LHFPL2: variants seen among roughly 807,000 people sequenced by gnomAD.
The protein encoded by LHFPL2 is LHFPL tetraspan subfamily member 2.
Under a neutral mutation model 17.5 loss-of-function variants are expected in LHFPL2, and 7 were observed. The observed-to-expected ratio is 0.40, with a 90% CI of 0.23 to 0.75. LHFPL2 has a LOEUF of 0.75. Among genes scored for constraint, LHFPL2 ranks in the 30% least tolerant of loss-of-function variants. The pLI is 0.37. For synonymous variants in LHFPL2, 134 were observed against 116.2 expected (o/e 1.15, Z -0.99); for missense variants, 241 against 294.8 (o/e 0.82, Z 1.34).
intron 3 of LHFPL2, among the ~76,000 whole-genome samples, chr5:78,538,025 T>G (rs1017214341): frequency 1.3e-5 from 2 of 152,230 alleles, no homozygotes; most frequent in Admixed American, 1.3e-4. Flanking sequence ...CACAGTACTT[T>G]CCCCCACTCA....
At chr5:78,535,285 A>T (rs1270018186) in intron 3 of LHFPL2, among the ~76,000 whole-genome samples, 1 of 151,880 alleles carries the variant, frequency 6.6e-6, no homozygotes, top group Non-Finnish European at 1.5e-5. Context: ...CCTTCCACCC[A>T]CCTCCTCCCT....
intron 1 of LHFPL2, among the ~76,000 whole-genome samples, chr5:78,647,423 G>C (rs994966841): frequency 6.6e-6 from 1 of 152,192 alleles, no homozygotes; most frequent in African/African-American, 2.4e-5. Flanking sequence ...TTCAAGCTCA[G>C]TTACTCCGGT....
chr5:78,526,470 C>T (rs1334265626), intron 3 of LHFPL2, among the ~76,000 whole-genome samples: 1 of 152,224 alleles, frequency 6.6e-6, no homozygotes, highest in African/African-American at 2.4e-5. Context: ...TACTGAAATA[C>T]TGTCTTTGCG....
At chr5:78,561,273 A>C (rs1414460766) in intron 3 of LHFPL2, among the ~76,000 whole-genome samples, 1 of 152,250 alleles carries the variant, frequency 6.6e-6, no homozygotes, top group Non-Finnish European at 1.5e-5. Flanking sequence ...CTAAATTTTA[A>C]AGTAAGTAGA....
intron 3 of LHFPL2, among the ~76,000 whole-genome samples, chr5:78,512,647 A>G (rs1755167625): frequency 6.6e-6 from 1 of 152,024 alleles, no homozygotes; most frequent in East Asian, 1.9e-4. Context: ...TTGGGCCCAC[A>G]GGTGGCAAGC....
rs764004655 is a variant in LHFPL2 at position 78,510,229 on chromosome 5, G to A, written c.-16C>T. ...CATGACACATATTGATGTTCCGGGCGAAGAAAGAGTCAGGAGTCCACGGAG... is the reference window on the plus strand; with the variant it reads ...CATGACACATATTGATGTTCCGGGCAAAGAAAGAGTCAGGAGTCCACGGAG... On this transcript the variant is annotated 5_prime_UTR_variant, in exon 4 of 5. Coordinates refer to ENST00000380345, the MANE Select transcript of LHFPL2 (RefSeq NM_005779.3). 3 of 1,565,846 alleles carry A rather than the reference G, an allele frequency of 1.9e-6. No homozygotes were observed. Among genetic ancestry groups the A allele is most frequent in the Middle Eastern group, 1.7e-4 (1 of 5,864 alleles).
intron 2 of LHFPL2, among the ~76,000 whole-genome samples, chr5:78,597,839 G>C (rs1461355639): frequency 6.6e-6 from 1 of 152,160 alleles, no homozygotes; most frequent in Non-Finnish European, 1.5e-5. Context: ...CACTGAATTA[G>C]TATCTTCATA....
chr5:78,521,123 T>C (rs1755444790), intron 3 of LHFPL2, among the ~76,000 whole-genome samples: 1 of 152,254 alleles, frequency 6.6e-6, no homozygotes, highest in African/African-American at 2.4e-5. Context: ...GCCAGCACTA[T>C]GGGAGACTCC....
intron 4 of LHFPL2, chr5:78,494,524 A>C (rs759087063): frequency 2.0e-6 from 2 of 985,394 alleles, no homozygotes; most frequent in Non-Finnish European, 2.4e-6. Context: ...CACATGATTC[A>C]ACCTTATCTG....
At chr5:78,560,187 T>A (rs1227422400) in intron 3 of LHFPL2, among the ~76,000 whole-genome samples, 1 of 152,244 alleles carries the variant, frequency 6.6e-6, no homozygotes, top group African/African-American at 2.4e-5. Flanking sequence ...CAGACAAGTA[T>A]GATTCTGAAT....
chr5:78,490,175 A>G (rs1002714324), intron 4 of LHFPL2, among the ~76,000 whole-genome samples: 12 of 152,112 alleles, frequency 7.9e-5, no homozygotes, highest in Non-Finnish European at 1.2e-4. Flanking sequence ...TTAAACACCT[A>G]TTTTCCTGTT....
intron 1 of LHFPL2, among the ~76,000 whole-genome samples, chr5:78,637,875 A>G (rs932454556): frequency 3.3e-5 from 5 of 152,158 alleles, no homozygotes; most frequent in Non-Finnish European, 4.4e-5. Flanking sequence ...CTGATGGGGT[A>G]GGGACTTCTA....
At chr5:78,581,420 C>T (rs1464711004) in intron 2 of LHFPL2, among the ~76,000 whole-genome samples, 1 of 152,134 alleles carries the variant, frequency 6.6e-6, no homozygotes, top group African/African-American at 2.4e-5. Context: ...ATGATATTGG[C>T]TGTGGGTTTG....
At chr5:78,521,514 T>C (rs544659088) in intron 3 of LHFPL2, among the ~76,000 whole-genome samples, 1 of 152,314 alleles carries the variant, frequency 6.6e-6, no homozygotes, top group South Asian at 2.1e-4. Context: ...AACAACACCA[T>C]GGATAGATTT....
chr5:78,515,631 T>C (rs1238820409), intron 3 of LHFPL2, among the ~76,000 whole-genome samples: 1 of 152,208 alleles, frequency 6.6e-6, no homozygotes, highest in African/African-American at 2.4e-5. Flanking sequence ...AAAGTGTGGG[T>C]TCCTGGACCA....
intron 2 of LHFPL2, among the ~76,000 whole-genome samples, chr5:78,617,464 C>T (rs1324622501): frequency 6.6e-6 from 1 of 152,118 alleles, no homozygotes; most frequent in Non-Finnish European, 1.5e-5. Context: ...TTTGTTCTAC[C>T]TGCTTGTAGG....
intron 2 of LHFPL2, among the ~76,000 whole-genome samples, chr5:78,573,923 A>G (rs2112430243): frequency 6.6e-6 from 1 of 152,314 alleles, no homozygotes; most frequent in South Asian, 2.1e-4. Context: ...ATAGGAATGA[A>G]CACTTGTCTC....
intron 4 of LHFPL2, chr5:78,494,245 C>T (rs868002084): frequency 7.1e-6 from 3 of 423,398 alleles, no homozygotes; most frequent in South Asian, 9.9e-5. Flanking sequence ...ATGACTGGGT[C>T]GCAGCAAGCC....
intron 3 of LHFPL2, among the ~76,000 whole-genome samples, chr5:78,542,214 G>A (rs1392263269): frequency 1.3e-5 from 2 of 151,868 alleles, no homozygotes; most frequent in African/African-American, 4.8e-5. Context: ...ATCTCCAGCA[G>A]GCCTCACATC....
Sources: allele counts gnomAD v4.1 joint callset (sites outside exome capture counted in the v4.1 genomes callset), GRCh38; gene constraint gnomAD v4.1.1; transcripts MANE v1.5; gene names NCBI Gene and HGNC (gene_info 2026-07-23, HGNC 2026-07-21).